The following CPED1 variants were observed in gnomAD, a reference collection of about 807,000 sequenced individuals.
CPED1 encodes the protein cadherin like and PC-esterase domain containing 1, also known as cadherin-like and PC-esterase domain-containing protein 1.
A neutral mutation model predicts 128.2 loss-of-function variants in CPED1; 114 were observed. The observed-to-expected ratio is 0.89, with a 90% CI of 0.76 to 1.04. The LOEUF (loss-of-function observed/expected upper bound fraction) is 1.04, where lower values mean the gene tolerates loss of function less well. Ranked by LOEUF, CPED1 falls within the 50% of genes least tolerant of loss-of-function variation. CPED1 has a pLI of 0.00. For missense variants in CPED1, 1,211 were observed against 1,207.1 expected (o/e 1.00, Z -0.05); for synonymous variants, 462 against 426.7 (o/e 1.08, Z -1.02).
chr7:121,173,972 T>C (rs568404368), intron 16 of CPED1, among the ~76,000 whole-genome samples: 3 of 152,192 alleles, frequency 2.0e-5, no homozygotes, highest in Admixed American at 1.3e-4. Flanking sequence ...TTTGCATTTC[T>C]CTAATGATCA....
intron 16 of CPED1, among the ~76,000 whole-genome samples, chr7:121,173,788 G>A (rs1796710881): frequency 6.6e-6 from 1 of 151,986 alleles, no homozygotes; most frequent in African/African-American, 2.4e-5. Context: ...TCTGTTTTTA[G>A]CTCTTTGAGG....
intron 3 of CPED1, among the ~76,000 whole-genome samples, chr7:121,030,222 T>C (rs1293839981): frequency 6.6e-6 from 1 of 152,136 alleles, no homozygotes; most frequent in Non-Finnish European, 1.5e-5. Flanking sequence ...TTACAAACAG[T>C]ACATGATAAA....
intron 4 of CPED1, among the ~76,000 whole-genome samples, chr7:121,054,686 C>T (rs1793449975): frequency 2.1e-5 from 3 of 145,712 alleles, no homozygotes; most frequent in South Asian, 4.3e-4. Flanking sequence ...TTTTAATTTG[C>T]ATGTAGTAAA....
chr7:121,029,682 T>G (rs1792681168), intron 3 of CPED1, among the ~76,000 whole-genome samples: 1 of 152,210 alleles, frequency 6.6e-6, no homozygotes, highest in South Asian at 2.1e-4. Flanking sequence ...CAATTTATTT[T>G]GTGTGGTACC....
intron 16 of CPED1, among the ~76,000 whole-genome samples, chr7:121,228,554 C>A (rs1413049319): frequency 7.0e-6 from 1 of 142,156 alleles, no homozygotes; most frequent in Non-Finnish European, 1.5e-5. Flanking sequence ...TAAACTAGTA[C>A]TGCTACTATG....
intron 22 of CPED1, among the ~76,000 whole-genome samples, chr7:121,282,849 ATAT>A (rs1792489800): frequency 6.6e-6 from 1 of 152,172 alleles, no homozygotes; most frequent in African/African-American, 2.4e-5. Flanking sequence ...ATGTGTCTTT[ATAT>A]AGTCCCCTTG....
At chr7:121,255,995 C>A (rs1287352612) in intron 18 of CPED1, among the ~76,000 whole-genome samples, 4 of 151,340 alleles carry the variant, frequency 2.6e-5, no homozygotes, top group Non-Finnish European at 5.9e-5. Context: ...AAAGAAATTA[C>A]AGATTCAATG....
At chr7:121,234,081 C>T (rs1056895479) in intron 16 of CPED1, among the ~76,000 whole-genome samples, 1 of 152,066 alleles carries the variant, frequency 6.6e-6, no homozygotes, top group Non-Finnish European at 1.5e-5. Flanking sequence ...AACTATGTCT[C>T]CTGACTCCTT....
intron 16 of CPED1, among the ~76,000 whole-genome samples, chr7:121,196,348 G>A (rs138356499): frequency 6.6e-6 from 1 of 152,126 alleles, no homozygotes; most frequent in East Asian, 1.9e-4. Flanking sequence ...TAAGCAAACA[G>A]CCTCCATTGT....
chr7:121,038,313 G>A lies in CPED1; in HGVS notation c.434-8574G>A, dbSNP rs1000585665. Among the ~76,000 whole-genome samples the A allele has an allele frequency of 2.0e-5, 3 of 152,094 alleles. No individual in the cohort carries two copies. The South Asian group carries it at 6.2e-4, about 32-fold the overall frequency. On this transcript the variant is annotated intron_variant, in intron 3 of 22. Coordinates refer to ENST00000310396, the MANE Select transcript of CPED1 (RefSeq NM_024913.5). ...TTTAGTACCTTAAGGCATGTGAGGAGCTGCATGTATTAAGAAGGGGCTTTC... is the reference window on the plus strand; with the variant it reads ...TTTAGTACCTTAAGGCATGTGAGGAACTGCATGTATTAAGAAGGGGCTTTC...
intron 16 of CPED1, among the ~76,000 whole-genome samples, chr7:121,174,902 A>G (rs1349940590): frequency 6.6e-6 from 1 of 151,954 alleles, no homozygotes; most frequent in East Asian, 1.9e-4. Flanking sequence ...GATCTATTTG[A>G]GCAGTGTTTT....
intron 16 of CPED1, among the ~76,000 whole-genome samples, chr7:121,166,457 A>G (rs950019175): frequency 2.0e-5 from 3 of 152,220 alleles, no homozygotes; most frequent in African/African-American, 7.2e-5. Context: ...ATACTGATAC[A>G]TTTTAAATGA....
At chr7:121,267,440 T>C (rs1792149767) in intron 21 of CPED1, 138 bp downstream of exon 21, 2 of 445,478 alleles carry the variant, frequency 4.5e-6, no homozygotes, top group Non-Finnish European at 8.0e-6. Context: ...TTAAGTTCCC[T>C]TACCCCACCA....
intron 16 of CPED1, among the ~76,000 whole-genome samples, chr7:121,163,956 T>C (rs927418740): frequency 3.3e-5 from 5 of 152,252 alleles, no homozygotes; most frequent in African/African-American, 9.6e-5. Context: ...CAGGGTTGGA[T>C]AGACCAAATG....
At chr7:121,078,979 G>T (rs1794210233) in intron 5 of CPED1, among the ~76,000 whole-genome samples, 1 of 152,152 alleles carries the variant, frequency 6.6e-6, no homozygotes, top group South Asian at 2.1e-4. Context: ...GCCTTCTTGG[G>T]ATGTTCTCAC....
rs1376110467 is a variant in CPED1 at position 121,158,051 on chromosome 7, AC to A, written c.2055+15911del. 4.6e-5 allele frequency among the ~76,000 whole-genome samples: 7 copies of A among 152,202 alleles called. No homozygotes were observed. In the East Asian group the frequency reaches 1.3e-3, roughly 29 times the overall value. ...ATTATATGCACAATTATAATTCATT[AC>A]TTTAATAACCCTCCTTCAGTGATAT... On this transcript the variant is annotated intron_variant, in intron 16 of 22. Transcript: ENST00000310396.
chr7:121,142,430 T>C (rs1795927122), intron 16 of CPED1, among the ~76,000 whole-genome samples: 1 of 152,044 alleles, frequency 6.6e-6, no homozygotes, highest in Non-Finnish European at 1.5e-5. Context: ...GAAATCGGTT[T>C]CACATTTTCC....
At chr7:121,248,594 CAAA>C (rs36015608) in intron 18 of CPED1, among the ~76,000 whole-genome samples, 2 of 118,456 alleles carry the variant, frequency 1.7e-5, no homozygotes, top group Non-Finnish European at 3.4e-5. Context: ...CCCTGTGAAA[CAAA>C]AAAAAAAAAA....
chr7:121,069,179 A>C (rs953902656), intron 5 of CPED1, among the ~76,000 whole-genome samples: 1 of 152,144 alleles, frequency 6.6e-6, no homozygotes, highest in Admixed American at 6.6e-5. Flanking sequence ...GTGCAGAAAT[A>C]TTAAAGATAG....
Sources: allele counts gnomAD v4.1 joint callset (sites outside exome capture counted in the v4.1 genomes callset), GRCh38; gene constraint gnomAD v4.1.1; transcripts MANE v1.5; gene names NCBI Gene and HGNC (gene_info 2026-07-23, HGNC 2026-07-21).